PRSS3: variants seen among roughly 807,000 people sequenced by gnomAD.
The protein encoded by PRSS3 is trypsin-3.
In PRSS3, 14 loss-of-function variants were observed where a neutral mutation model predicts 20.8. The ratio of observed to expected loss-of-function variants is 0.67; its 90% CI spans 0.44 to 1.05. PRSS3 has a LOEUF of 1.05. Among genes scored for constraint, PRSS3 ranks in the 50% least tolerant of loss-of-function variants. The pLI, the probability that PRSS3 is intolerant of heterozygous loss-of-function variation, is 0.00. For synonymous variants in PRSS3, 91 were observed against 117.6 expected (o/e 0.77, Z 1.46); for missense variants, 237 against 306.4 (o/e 0.77, Z 1.69).
chr9:33,762,909 A>G (rs1442724720), intron 1 of PRSS3, among the ~76,000 whole-genome samples: 1 of 152,210 alleles, frequency 6.6e-6, no homozygotes, highest in Non-Finnish European at 1.5e-5. Context: ...CTTATTAAAC[A>G]TGTATTCTAG....
At position 33,788,214 on chromosome 9, in the gene PRSS3, G is replaced by A. The variant is rs146385862; in HGVS notation, c.-52-6532G>A. Among the ~76,000 whole-genome samples the A allele has an allele frequency of 5.9e-3, 891 of 152,292 alleles. 6 individuals carry two copies. Among genetic ancestry groups the A allele is most frequent in the African/African-American group, 0.02 (839 of 41,544 alleles). ...TCTTGAGAACTACAAGCAAGAAACTGGGGAGTACTGAGTTTGTCCAAGGCC... is the reference window on the plus strand; with the variant it reads ...TCTTGAGAACTACAAGCAAGAAACTAGGGAGTACTGAGTTTGTCCAAGGCC... On this transcript the variant is annotated intron_variant, in intron 1 of 5. Transcript: ENST00000342836.
chr9:33,763,698 C>CAAAA (rs370849434), intron 1 of PRSS3, among the ~76,000 whole-genome samples: 1 of 78,976 alleles, frequency 1.3e-5, no homozygotes, highest in Admixed American at 1.4e-4. Flanking sequence ...GACTCTGTCT[C>CAAAA]AAAAAAAAAA....
At chr9:33,780,185 T>C (rs966504769) in intron 1 of PRSS3, among the ~76,000 whole-genome samples, 12 of 152,046 alleles carry the variant, frequency 7.9e-5, no homozygotes, top group Non-Finnish European at 1.6e-4. Flanking sequence ...TCAAGTCACA[T>C]ACAGAGGAAA....
chr9:33,781,295 A>T (rs1043669948), intron 1 of PRSS3, among the ~76,000 whole-genome samples: 2 of 152,232 alleles, frequency 1.3e-5, no homozygotes, highest in Non-Finnish European at 2.9e-5. Context: ...GTGCCCATCA[A>T]TGATGGATTG....
rs1274968713 is a variant in PRSS3, at chr9:33,795,760, C to T, written c.40+147C>T. On this transcript the variant is annotated intron_variant, in intron 1 of 4. Transcript: ENST00000379405. ...ATATCTCCTTCCCATCCTCCTTGGGCTCTCTTTAAGCCTCACCTGTTTCAC... is the reference window on the plus strand; with the variant it reads ...ATATCTCCTTCCCATCCTCCTTGGGTTCTCTTTAAGCCTCACCTGTTTCAC... The T allele has an allele frequency of 5.7e-6, 6 of 1,047,982 alleles. No individual in the cohort carries two copies. In the African/African-American group the frequency reaches 9.4e-5, roughly 16 times the overall value. The allele number at this position is 1,047,982 out of a possible 1,614,324, so 64.9% of individuals were successfully genotyped here.
chr9:33,759,557 G>GCC (rs1011214620), intron 1 of PRSS3, among the ~76,000 whole-genome samples: 23 of 152,176 alleles, frequency 1.5e-4, no homozygotes, highest in African/African-American at 5.3e-4. Context: ...TGGACGTTAA[G>GCC]CCATCACCCA....
chr9:33,784,545 G>A (rs1824307280), intron 1 of PRSS3, among the ~76,000 whole-genome samples: 1 of 152,110 alleles, frequency 6.6e-6, no homozygotes, highest in Non-Finnish European at 1.5e-5. Context: ...TCTATTATAA[G>A]GTAAATTGTT....
chr9:33,750,765 G>C lies in PRSS3; in HGVS notation c.-53+38G>C. Reference sequence around the variant, plus strand: ...TACCCGCAGGGGGCTTGAAACTGGAGGAGGGCTCGAAGGGAGAGGGAGCCC... The same window carrying C: ...TACCCGCAGGGGGCTTGAAACTGGACGAGGGCTCGAAGGGAGAGGGAGCCC... On this transcript the variant is annotated intron_variant, in intron 1 of 5. Transcript: ENST00000342836. This position sits in a 1 kb window ranked among gnomAD's most constrained non-coding sequence, Gnocchi z 4.8. 1 of 1,418,472 alleles carries C rather than the reference G, an allele frequency of 7.0e-7. No homozygotes were observed. Among genetic ancestry groups the C allele is most frequent in the Admixed American group, 3.1e-5 (1 of 31,930 alleles). 87.9% of individuals were successfully genotyped at this position (1,418,472 alleles called of 1,614,324 possible). A position where few individuals can be genotyped will look rare whatever the true frequency, so the allele number is the denominator to read the frequency against.
At chr9:33,760,901 A>C (rs1257903215) in intron 1 of PRSS3, among the ~76,000 whole-genome samples, 1 of 152,278 alleles carries the variant, frequency 6.6e-6, no homozygotes, top group East Asian at 1.9e-4. Context: ...AATTTAGTCC[A>C]ATTTGTTTTT....
intron 1 of PRSS3, among the ~76,000 whole-genome samples, chr9:33,763,496 G>A (rs1432463552): frequency 5.9e-5 from 9 of 152,034 alleles, no homozygotes; most frequent in East Asian, 5.8e-4. Flanking sequence ...TCAGGAGATC[G>A]AGACCATCCT....
In PRSS3 at chr9:33,797,907, C is replaced by T. The variant is rs757182405; in HGVS notation, c.279C>T (p.Ile93=). The T allele has an allele frequency of 3.1e-6, 5 of 1,614,142 alleles. No individual in the cohort carries two copies. Among genetic ancestry groups the T allele is most frequent in the African/African-American group, 1.3e-5 (1 of 74,950 alleles). The change falls in exon 3 of 5, where the codon ATC becomes ATT. Residue 93 remains isoleucine, a synonymous_variant. Transcript: ENST00000379405. ...GNEQFINAAK[I]IRHPKYNRDT... ...AGCAGTTCATCAATGCGGCCAAGAT[C>T]ATCCGCCACCCTAAATACAACAGGG...
intron 1 of PRSS3, among the ~76,000 whole-genome samples, chr9:33,775,700 G>GC (rs1823890235): frequency 7.8e-6 from 1 of 128,678 alleles, no homozygotes; most frequent in Non-Finnish European, 1.6e-5. Flanking sequence ...TGGGCTTGAA[G>GC]TTTTTTTTTT....
In PRSS3 at chr9:33,781,317, CAT is replaced by C. The variant is rs1312099835; in HGVS notation, c.-52-13424_-52-13423del. Reference sequence around the variant, plus strand: ...TCAATGATGGATTGGATGAAGAAAACATATATGCTATGGAATACTACACAGCC... The same window carrying C: ...TCAATGATGGATTGGATGAAGAAAACATATGCTATGGAATACTACACAGCC... On this transcript the variant is annotated intron_variant, in intron 1 of 5. Transcript: ENST00000342836. 3.3e-5 allele frequency among the ~76,000 whole-genome samples: 5 copies of C among 152,118 alleles called. No individual in the cohort carries two copies. The South Asian group carries it at 8.3e-4, about 25-fold the overall frequency.
At chr9:33,756,279 T>G (rs1822943942) in intron 1 of PRSS3, among the ~76,000 whole-genome samples, 1 of 152,224 alleles carries the variant, frequency 6.6e-6, no homozygotes, top group Non-Finnish European at 1.5e-5. Context: ...TTCTAATTCC[T>G]GATCCCTTGT....
chr9:33,776,198 A>G (rs1227794891), intron 1 of PRSS3, among the ~76,000 whole-genome samples: 1 of 152,244 alleles, frequency 6.6e-6, no homozygotes, highest in Non-Finnish European at 1.5e-5. Context: ...TAGTGGAAGA[A>G]CCAGTGAACA....
In PRSS3 at chr9:33,796,707, C is replaced by G; in HGVS notation, c.105C>G (p.Leu35=). The stretch of plus-strand genomic sequence containing the variant: ...GCTACACCTGTGAGGAGAATTCTCT[C>G]CCCTACCAGGTGTCCCTGAATTCTG... ...VGGYTCEENS[L]PYQVSLNSGS... The change falls in exon 2 of 5, where the codon CTC becomes CTG. Residue 35 remains leucine (L), a synonymous_variant. Transcript: ENST00000379405. The G allele has an allele frequency of 6.2e-7, 1 of 1,613,930 alleles. No homozygotes were observed. The highest frequency in any genetic ancestry group is 8.5e-7 in the Non-Finnish European group (1 of 1,179,776).
At chr9:33,795,230 G>A (rs1824850316), upstream of PRSS3, among the ~76,000 whole-genome samples, 1 of 151,972 alleles carries the variant, frequency 6.6e-6, no homozygotes, top group Non-Finnish European at 1.5e-5. Context: ...AGACACCCAG[G>A]CCATTCTCCC....
chr9:33,773,768 C>T (rs946922757), intron 1 of PRSS3, among the ~76,000 whole-genome samples: 29 of 152,150 alleles, frequency 1.9e-4, no homozygotes, highest in East Asian at 1.3e-3. Flanking sequence ...CTCAGCCTCC[C>T]GAGTAGCTTG....
intron 1 of PRSS3, among the ~76,000 whole-genome samples, chr9:33,763,435 C>T (rs1823288959): frequency 6.6e-6 from 1 of 152,012 alleles, no homozygotes; most frequent in African/African-American, 2.4e-5. Flanking sequence ...CGTGGTGGCT[C>T]ACGCCTGTAA....
Sources: gnomAD v4.1 joint callset for allele counts (sites outside exome capture counted in the v4.1 genomes callset) on GRCh38, gnomAD v4.1.1 for gene constraint, Gnocchi (gnomAD v3.1) non-coding constraint, MANE v1.5 for transcripts, NCBI Gene and HGNC (gene_info 2026-07-23, HGNC 2026-07-21) for gene names.